ZRANB3: variants seen among roughly 807,000 people sequenced by gnomAD.
The protein encoded by ZRANB3 is zinc finger RANBP2-type containing 3.
A neutral mutation model predicts 133.8 loss-of-function variants in ZRANB3; 125 were observed. That is an observed-to-expected ratio of 0.93 (90% CI 0.81 to 1.08). The LOEUF (loss-of-function observed/expected upper bound fraction) is 1.08. ZRANB3 is among the 50% of genes least tolerant of loss of function. The pLI, the probability that ZRANB3 is intolerant of heterozygous loss-of-function variation, is 0.00. For synonymous variants in ZRANB3, 387 were observed against 432.7 expected (o/e 0.89, Z 1.31); for missense variants, 1,229 against 1,275.5 (o/e 0.96, Z 0.56).
At chr2:135,458,084 T>C (rs542825377) in intron 2 of ZRANB3, among the ~76,000 whole-genome samples, 1 of 152,232 alleles carries the variant, frequency 6.6e-6, no homozygotes, top group South Asian at 2.1e-4. Context: ...TAGTGTAAAG[T>C]AGGGGTTTAT....
chr2:135,439,663 T>C (rs574622322), intron 2 of ZRANB3, among the ~76,000 whole-genome samples: 2 of 152,342 alleles, frequency 1.3e-5, no homozygotes, highest in South Asian at 2.1e-4. Flanking sequence ...TTTAGCTTTA[T>C]GGTTCTCAAA....
intron 8 of ZRANB3, among the ~76,000 whole-genome samples, chr2:135,282,906 A>C (rs929369391): frequency 1.1e-4 from 16 of 152,208 alleles, no homozygotes; most frequent in African/African-American, 3.9e-4. Context: ...ATTTACCCAA[A>C]TTTTGACAAA....
intron 8 of ZRANB3, among the ~76,000 whole-genome samples, chr2:135,301,185 ATT>A (rs765150218): frequency 1.7e-4 from 23 of 135,894 alleles, no homozygotes; most frequent in Non-Finnish European, 1.6e-4. Flanking sequence ...TAATATGTTT[ATT>A]TTTTTTTTTT....
chr2:135,357,543 G>A (rs1434992803), intron 3 of ZRANB3, among the ~76,000 whole-genome samples: 2 of 152,210 alleles, frequency 1.3e-5, no homozygotes, highest in East Asian at 1.9e-4. Flanking sequence ...TGATCCACCC[G>A]CCTCGGCCTC....
chr2:135,263,911 G>A (rs1219614440), intron 12 of ZRANB3, among the ~76,000 whole-genome samples: 1 of 151,406 alleles, frequency 6.6e-6, no homozygotes, highest in Non-Finnish European at 1.5e-5. Context: ...AAGTAGCTGG[G>A]ATTACAGGCA....
At chr2:135,335,316 T>C (rs893387550) in intron 6 of ZRANB3, among the ~76,000 whole-genome samples, 1 of 151,972 alleles carries the variant, frequency 6.6e-6, no homozygotes, top group African/African-American at 2.4e-5. Flanking sequence ...CAGAATAGTG[T>C]CTAGAATATC....
intron 2 of ZRANB3, among the ~76,000 whole-genome samples, chr2:135,480,377 A>C (rs1355237848): frequency 6.6e-6 from 1 of 152,146 alleles, no homozygotes; most frequent in East Asian, 1.9e-4. Flanking sequence ...ATGTTTGTTC[A>C]CTGATGCAAA....
intron 13 of ZRANB3, among the ~76,000 whole-genome samples, chr2:135,229,371 T>C (rs1694890387): frequency 6.6e-6 from 1 of 151,316 alleles, no homozygotes; most frequent in Admixed American, 6.6e-5. Context: ...CCAATATTTT[T>C]TTTTTTTTTT....
chr2:135,417,789 T>A (rs1470852721), intron 2 of ZRANB3, among the ~76,000 whole-genome samples: 1 of 152,150 alleles, frequency 6.6e-6, no homozygotes, highest in African/African-American at 2.4e-5. Context: ...CCATAAAAAG[T>A]GATGAGTTCA....
intron 12 of ZRANB3, among the ~76,000 whole-genome samples, chr2:135,247,070 CTT>C (rs1695832343): frequency 6.6e-6 from 1 of 152,222 alleles, no homozygotes. Context: ...GTTTAATAGA[CTT>C]TGATCAAAGG....
At chr2:135,528,436 C>T (rs1559056861) in intron 1 of ZRANB3, among the ~76,000 whole-genome samples, 1 of 152,150 alleles carries the variant, frequency 6.6e-6, no homozygotes, top group Non-Finnish European at 1.5e-5. Context: ...GTATGAGCCA[C>T]CAGGTCAGAC....
intron 2 of ZRANB3, among the ~76,000 whole-genome samples, chr2:135,407,444 A>T (rs1342941000): frequency 2.0e-5 from 3 of 151,200 alleles, no homozygotes; most frequent in Non-Finnish European, 4.4e-5. Context: ...GCTACCAATG[A>T]CTTTCTTCAC....
intron 2 of ZRANB3, 38 bp downstream of exon 2, chr2:135,504,291 G>T: frequency 5.6e-6 from 9 of 1,609,700 alleles, no homozygotes; most frequent in Non-Finnish European, 6.8e-6. Flanking sequence ...CACTTTCCAG[G>T]AATTTAACAT....
intron 5 of ZRANB3, among the ~76,000 whole-genome samples, chr2:135,346,542 T>C (rs537739145): frequency 1.3e-5 from 2 of 152,154 alleles, no homozygotes; most frequent in Non-Finnish European, 2.9e-5. Context: ...ATCCATTCAT[T>C]CATCCATCCA....
chr2:135,249,173 G>A (rs1679242375), intron 12 of ZRANB3, among the ~76,000 whole-genome samples: 1 of 152,200 alleles, frequency 6.6e-6, no homozygotes, highest in African/African-American at 2.4e-5. Context: ...CAACTATTGT[G>A]GAAAGCAGTA....
intron 8 of ZRANB3, among the ~76,000 whole-genome samples, chr2:135,311,402 T>G (rs1009384658): frequency 7.3e-5 from 11 of 151,650 alleles, no homozygotes; most frequent in African/African-American, 2.2e-4. Context: ...AATTTGGCAG[T>G]TTTTTTTATC....
At chr2:135,505,759 G>A (rs191525606) in intron 1 of ZRANB3, among the ~76,000 whole-genome samples, 12 of 152,150 alleles carry the variant, frequency 7.9e-5, no homozygotes, top group African/African-American at 1.7e-4. Flanking sequence ...CAAGACCCAC[G>A]CACTCGTAGG....
chr2:135,459,598 GC>G (rs574322031), intron 2 of ZRANB3, among the ~76,000 whole-genome samples: 60 of 151,998 alleles, frequency 3.9e-4, no homozygotes, highest in Non-Finnish European at 7.5e-4. Flanking sequence ...ATCTCTATCT[GC>G]TTTTTAAAAT....
At chr2:135,260,750 A>C (rs1411557154) in intron 12 of ZRANB3, among the ~76,000 whole-genome samples, 2 of 145,756 alleles carry the variant, frequency 1.4e-5, no homozygotes, top group African/African-American at 2.5e-5. Context: ...AGTATACTTG[A>C]ATATATATAG....
Sources: gnomAD v4.1 joint callset for allele counts (sites outside exome capture counted in the v4.1 genomes callset) on GRCh38, gnomAD v4.1.1 for gene constraint, MANE v1.5 for transcripts, NCBI Gene and HGNC (gene_info 2026-07-23, HGNC 2026-07-21) for gene names.